PLA2G6: variants seen among roughly 807,000 people sequenced by gnomAD.
PLA2G6 encodes the protein phospholipase A2 group VI, also known as 85/88 kDa calcium-independent phospholipase A2.
A neutral mutation model predicts 83.8 loss-of-function variants in PLA2G6; 62 were observed. That is an observed-to-expected ratio of 0.74 (90% CI 0.60 to 0.91). PLA2G6 has a LOEUF of 0.91. Ranked by LOEUF, PLA2G6 falls within the 40% of genes least tolerant of loss-of-function variation. The pLI is 0.00. For missense variants in PLA2G6, 944 were observed against 1,102.0 expected (o/e 0.86, Z 2.03); for synonymous variants, 417 against 449.8 (o/e 0.93, Z 0.92).
At chr22:38,179,741 C>A (rs1262998282) in intron 1 of PLA2G6, among the ~76,000 whole-genome samples, 2 of 152,088 alleles carry the variant, frequency 1.3e-5, no homozygotes, top group Non-Finnish European at 2.9e-5. Context: ...CCATTGCATT[C>A]CAGCCTGGGT....
intron 12 of PLA2G6, among the ~76,000 whole-genome samples, chr22:38,119,233 G>A (rs888923424): frequency 2.6e-5 from 4 of 152,038 alleles, no homozygotes; most frequent in South Asian, 4.2e-4. Context: ...TCTGTGGTCC[G>A]GGCACAGAGA....
At chr22:38,161,108 A>G (rs1249693293) in intron 2 of PLA2G6, among the ~76,000 whole-genome samples, 1 of 152,214 alleles carries the variant, frequency 6.6e-6, no homozygotes, top group Admixed American at 6.5e-5. Flanking sequence ...TGGAGGAAAA[A>G]GTAGAGTCAA....
At position 38,123,515 on chromosome 22, in the gene PLA2G6, G is replaced by A. The variant is rs1043815806; in HGVS notation, c.1428-257C>T. ...CGGGGGATAGCATCACTGACCAGGC[G>A]CCATCCCAGCAGGATCTCGGCCAGT... On this transcript the variant is annotated intron_variant, in intron 10 of 16. Transcript: ENST00000332509. The surrounding 1 kb of genome is among the most constrained non-coding windows in gnomAD (Gnocchi z 4.1). Among the ~76,000 whole-genome samples the A allele has an allele frequency of 5.9e-4, 90 of 152,156 alleles. No individual in the cohort carries two copies. Among genetic ancestry groups the A allele is most frequent in the African/African-American group, 1.9e-3 (78 of 41,444 alleles).
chr22:38,142,350 C>T (rs1046425527), intron 4 of PLA2G6: 3 of 152,568 alleles, frequency 2.0e-5, no homozygotes, highest in Admixed American at 2.0e-4. Context: ...TCTGTTCAAT[C>T]TAATATATGA....
At chr22:38,167,940 T>G (rs1174488315) in intron 2 of PLA2G6, 1 of 169,746 alleles carries the variant, frequency 5.9e-6, no homozygotes, top group African/African-American at 2.4e-5. Context: ...CAGAGCCACC[T>G]GCCTGCAGGC....
chr22:38,159,655 G>A lies in PLA2G6; in HGVS notation c.209+9563C>T, dbSNP rs139347310. 9.8e-3 allele frequency among the ~76,000 whole-genome samples: 1,494 copies of A among 151,932 alleles called. 35 individuals carry two copies. The highest frequency in any genetic ancestry group is 0.034 in the African/African-American group (1,401 of 41,340). ...TGAGGCAGGAGGATCACTTGAGCCT[G>A]GGAAGTTGAGGCTGCAGTGAGCCAT... On this transcript the variant is annotated intron_variant, in intron 2 of 16. Transcript: ENST00000332509.
intron 12 of PLA2G6, among the ~76,000 whole-genome samples, chr22:38,117,526 A>G (rs2087281027): frequency 6.6e-6 from 1 of 152,004 alleles, no homozygotes; most frequent in South Asian, 2.1e-4. Flanking sequence ...ATCAAACTGA[A>G]CCCATCAGAA....
In PLA2G6 at chr22:38,128,223, G is replaced by A. The variant is rs754921371; in HGVS notation, c.1348+46C>T. 30 of 1,592,880 alleles carry A rather than the reference G, an allele frequency of 1.9e-5. No homozygotes were observed. In the Admixed American group the frequency reaches 4.8e-4, roughly 26 times the overall value. The stretch of plus-strand genomic sequence containing the variant: ...TGGTGGGGCCTGCTGTGATCCAGGG[G>A]CCTGGGAACCAGCTGGAGAAGAGGG... On this transcript the variant is annotated intron_variant, in intron 9 of 16. Coordinates refer to ENST00000332509, the MANE Select transcript of PLA2G6 (RefSeq NM_003560.4). This position sits in a 1 kb window ranked among gnomAD's most constrained non-coding sequence, Gnocchi z 4.4.
In PLA2G6 at chr22:38,156,042, G is replaced by A. The variant is rs369445689; in HGVS notation, c.210-10389C>T. The stretch of plus-strand genomic sequence containing the variant: ...CAGGAATAGCTATGCTATTCTATGA[G>A]GCAAAACAGACTTCAAGACAAAAAC... On this transcript the variant is annotated intron_variant, in intron 2 of 16. Coordinates refer to ENST00000332509, the MANE Select transcript of PLA2G6 (RefSeq NM_003560.4). Among the ~76,000 whole-genome samples, 16 of 152,134 alleles carry A rather than the reference G, an allele frequency of 1.1e-4. No individual in the cohort carries two copies. The East Asian group carries it at 3.1e-3, about 29-fold the overall frequency.
rs902876981 is a variant in PLA2G6, at chr22:38,121,663, C to T, written c.1592-754G>A. Among the ~76,000 whole-genome samples the T allele has an allele frequency of 1.1e-4, 16 of 152,304 alleles. No homozygotes were observed. In the South Asian group the frequency reaches 2.1e-3, roughly 20 times the overall value. ...CTGAAAGGAGGCCATCTGCCCACACCGGAGGATCAGCCAGGAGACCTCTCA... is the reference window on the plus strand; with the variant it reads ...CTGAAAGGAGGCCATCTGCCCACACTGGAGGATCAGCCAGGAGACCTCTCA... On this transcript the variant is annotated intron_variant, in intron 11 of 16. Transcript: ENST00000332509.
intron 2 of PLA2G6, among the ~76,000 whole-genome samples, chr22:38,163,166 C>A (rs1339308895): frequency 6.6e-6 from 1 of 152,158 alleles, no homozygotes. Context: ...TACCTGAGTC[C>A]CCAGTTTCAA....
chr22:38,143,632 C>A, intron 3 of PLA2G6: 1 of 413,438 alleles, frequency 2.4e-6, no homozygotes, highest in East Asian at 5.6e-5. Context: ...CGTCAATATC[C>A]TTATCGACAC....
At chr22:38,161,125 A>AT (rs895574376) in intron 2 of PLA2G6, among the ~76,000 whole-genome samples, 2 of 151,818 alleles carry the variant, frequency 1.3e-5, no homozygotes, top group African/African-American at 2.4e-5. Flanking sequence ...TCAAGAAATA[A>AT]TTTTTTTTTA....
At position 38,151,342 on chromosome 22, in the gene PLA2G6, G is replaced by A. The variant is rs145038517; in HGVS notation, c.210-5689C>T. 2.7e-3 allele frequency among the ~76,000 whole-genome samples: 407 copies of A among 152,018 alleles called. 1 individual carries two copies. The highest frequency in any genetic ancestry group is 9.4e-3 in the African/African-American group (388 of 41,452). On this transcript the variant is annotated intron_variant, in intron 2 of 16. Transcript: ENST00000332509. ...GCTCACTGCAGCCTCAACCTCCCAG[G>A]TTTAAGTAATCCTCCCACCTCAGCC...
chr22:38,112,769 G>A lies in PLA2G6; in HGVS notation c.2203-192C>T. 5 of 638,378 alleles carry A rather than the reference G, an allele frequency of 7.8e-6. No homozygotes were observed. In the South Asian group the frequency reaches 8.7e-5, roughly 11 times the overall value. The allele number at this position is 638,378 out of a possible 1,614,324, so 39.5% of individuals were successfully genotyped here. ...GGACTGCAGGGACTGTCCCAGCTGT[G>A]CAATCAGAGGGGCAGAGGTCTCAGC... On this transcript the variant is annotated intron_variant, in intron 15 of 16. Transcript: ENST00000332509.
intron 11 of PLA2G6, among the ~76,000 whole-genome samples, chr22:38,121,316 G>C (rs552094518): frequency 6.6e-6 from 1 of 152,312 alleles, no homozygotes; most frequent in East Asian, 1.9e-4. Context: ...AGCGGAGGTT[G>C]CAGTGAGCCA....
Position 38,114,241 on chromosome 22 carries a change from C to T in PLA2G6, c.2035-587G>A, listed in dbSNP as rs982032787. ...TGTCTCCCAGTCTGGAGTGCAGTGG[C>T]GCGATCTCGGCTCACTGCAAGCTCC... On this transcript the variant is annotated intron_variant, in intron 14 of 16. Transcript: ENST00000332509. Among the ~76,000 whole-genome samples, 11 of 149,522 alleles carry T rather than the reference C, an allele frequency of 7.4e-5. No individual in the cohort carries two copies. In the South Asian group the frequency reaches 2.1e-3, roughly 29 times the overall value.
intron 2 of PLA2G6, chr22:38,147,571 C>T (rs1029878408): frequency 6.7e-6 from 1 of 149,400 alleles, no homozygotes; most frequent in Non-Finnish European, 1.5e-5. Context: ...GACAGAGTCT[C>T]ACTCTGTTAC....
intron 1 of PLA2G6, among the ~76,000 whole-genome samples, chr22:38,170,736 G>A (rs893050425): frequency 6.6e-6 from 1 of 152,126 alleles, no homozygotes; most frequent in Non-Finnish European, 1.5e-5. Flanking sequence ...GGGGGAGAGA[G>A]GACATCTGAG....
Sources: allele counts gnomAD v4.1 joint callset (sites outside exome capture counted in the v4.1 genomes callset), GRCh38; gene constraint gnomAD v4.1.1; non-coding constraint Gnocchi (gnomAD v3.1); transcripts MANE v1.5; gene names NCBI Gene and HGNC (gene_info 2026-07-23, HGNC 2026-07-21).